Variants in KDM2B observed in about 807,000 individuals in gnomAD.
KDM2B encodes lysine-specific demethylase 2B.
Under a neutral mutation model 150.0 loss-of-function variants are expected in KDM2B, and 26 were observed. The observed-to-expected ratio is 0.17, with a 90% confidence interval of 0.13 to 0.24. The LOEUF (loss-of-function observed/expected upper bound fraction) is 0.24. Ranked by LOEUF, KDM2B falls within the 10% of genes least tolerant of loss-of-function variation. The probability of loss-of-function intolerance (pLI) is 1.00; values close to 1 mark genes in which losing one functional copy is unlikely to be tolerated. For missense variants in KDM2B, 1,265 were observed against 1,816.9 expected (o/e 0.70, Z 5.52); for synonymous variants, 734 against 729.5 (o/e 1.01, Z -0.10).
chr12:121,447,133 C>T (rs549760730), intron 13 of KDM2B, among the ~76,000 whole-genome samples: 41 of 152,308 alleles, frequency 2.7e-4, no homozygotes, highest in African/African-American at 8.9e-4. Context: ...AATACTCCTC[C>T]CTTTTCCAAG....
chr12:121,532,802 C>G lies in KDM2B; in HGVS notation c.931+4G>C, dbSNP rs1555308063. The G allele has an allele frequency of 6.2e-7, 1 of 1,614,052 alleles. No individual in the cohort carries two copies. The highest frequency in any genetic ancestry group is 2.2e-5 in the East Asian group (1 of 44,884). Reference sequence around the variant, plus strand: ...GAGCCCAGAGAGTGCCCCTGGAAACCTACCGGAAGGGATGAAAAATGTGTA... The same window carrying G: ...GAGCCCAGAGAGTGCCCCTGGAAACGTACCGGAAGGGATGAAAAATGTGTA... On this transcript the variant is annotated splice_donor_region_variant and intron_variant, in intron 8 of 22. Coordinates refer to ENST00000377071, the MANE Select transcript of KDM2B (RefSeq NM_032590.5).
chr12:121,553,027 T>C (rs775575606), intron 4 of KDM2B, among the ~76,000 whole-genome samples: 4 of 151,670 alleles, frequency 2.6e-5, no homozygotes, highest in Non-Finnish European at 5.9e-5. Context: ...GGTCAGGAGA[T>C]TGAGACCATC....
In KDM2B at chr12:121,580,926, T is replaced by C; in HGVS notation, c.-15A>G. 1.2e-6 allele frequency: 2 copies of C among 1,612,496 alleles called. No homozygotes were observed. The highest frequency in any genetic ancestry group is 1.7e-6 in the Non-Finnish European group (2 of 1,179,470). On this transcript the variant is annotated 5_prime_UTR_variant, in exon 1 of 23. Transcript: ENST00000377071. ...GGACCCGCCATGTGGAGGAGGCATT[T>C]GGGGGGCTCAGAAGGAAATTAGCTC...
intron 4 of KDM2B, among the ~76,000 whole-genome samples, chr12:121,555,882 A>G (rs782703031): frequency 6.6e-6 from 1 of 151,872 alleles, no homozygotes; most frequent in Non-Finnish European, 1.5e-5. Context: ...TTCCCACTCT[A>G]TTAGTTCCCA....
chr12:121,480,049 G>A lies in KDM2B; in HGVS notation c.1734+14530C>T, dbSNP rs1881920568. Among the ~76,000 whole-genome samples, 4 of 152,118 alleles carry A rather than the reference G, an allele frequency of 2.6e-5. 1 individual carries two copies. The highest frequency in any genetic ancestry group is 2.6e-4 in the Admixed American group (4 of 15,258). ...TCCTCTTGCCTCAGCCTCCCAAGTA[G>A]CTAGCACTTCAGGTGTCGCCCACCA... On this transcript the variant is annotated intron_variant, in intron 12 of 22. Transcript: ENST00000377071.
intron 1 of KDM2B, chr12:121,579,498 C>G: frequency 1.0e-6 from 1 of 983,410 alleles, no homozygotes; most frequent in Non-Finnish European, 1.4e-6. Context: ...CAGCCGCCCC[C>G]GCCGCCCGCC....
chr12:121,461,140 G>A (rs1593827192), intron 12 of KDM2B, among the ~76,000 whole-genome samples: 1 of 152,060 alleles, frequency 6.6e-6, no homozygotes, highest in African/African-American at 2.4e-5. Context: ...GACTAAGGTG[G>A]GTCTTAGAGG....
At chr12:121,523,879 A>C (rs193075043) in intron 8 of KDM2B, among the ~76,000 whole-genome samples, 1 of 152,178 alleles carries the variant, frequency 6.6e-6, no homozygotes, top group African/African-American at 2.4e-5. Context: ...CCAGCTTCCC[A>C]TCCCACGACC....
At chr12:121,481,056 T>C (rs1882070750) in intron 12 of KDM2B, among the ~76,000 whole-genome samples, 1 of 151,882 alleles carries the variant, frequency 6.6e-6, no homozygotes, top group Non-Finnish European at 1.5e-5. Flanking sequence ...GCTTCCCAAG[T>C]AGCTGGGACT....
At chr12:121,569,794 G>T (rs564994351) in intron 4 of KDM2B, among the ~76,000 whole-genome samples, 1 of 151,970 alleles carries the variant, frequency 6.6e-6, no homozygotes, top group Non-Finnish European at 1.5e-5. Flanking sequence ...AAGGGAGAGG[G>T]GGCTGGATGA....
intron 1 of KDM2B, chr12:121,580,307 T>C (rs1323866043): frequency 1.0e-6 from 1 of 1,004,008 alleles, no homozygotes; most frequent in Non-Finnish European, 1.2e-6. Context: ...TTGTTGCCGA[T>C]CGCGCTCGGA....
chr12:121,466,262 A>G (rs1240533460), intron 12 of KDM2B, among the ~76,000 whole-genome samples: 1 of 152,020 alleles, frequency 6.6e-6, no homozygotes, highest in African/African-American at 2.4e-5. Flanking sequence ...AATCCATCCC[A>G]TTCTTAATTC....
intron 10 of KDM2B, among the ~76,000 whole-genome samples, chr12:121,510,701 G>T (rs1201810878): frequency 6.6e-6 from 1 of 152,042 alleles, no homozygotes; most frequent in Non-Finnish European, 1.5e-5. Flanking sequence ...GCTGAGATGG[G>T]AGGATCACTT....
intron 12 of KDM2B, among the ~76,000 whole-genome samples, chr12:121,479,775 C>T (rs1555297535): frequency 6.6e-6 from 1 of 151,946 alleles, no homozygotes; most frequent in African/African-American, 2.4e-5. Context: ...GCACGTGCCA[C>T]CACACCCAGC....
chr12:121,428,707 T>C (rs949697511), downstream of KDM2B, among the ~76,000 whole-genome samples: 1 of 152,144 alleles, frequency 6.6e-6, no homozygotes, highest in Non-Finnish European at 1.5e-5. Context: ...AATTCCGTAA[T>C]CTAAAATTAC....
At chr12:121,433,774 A>C (rs1366717050) in intron 22 of KDM2B, among the ~76,000 whole-genome samples, 1 of 152,232 alleles carries the variant, frequency 6.6e-6, no homozygotes, top group East Asian at 1.9e-4. Context: ...AATCCAAAAA[A>C]AGAACAAAGT....
Position 121,442,197 on chromosome 12 carries a change from G to C in KDM2B, c.3244C>G (p.Leu1082Val). The C allele has an allele frequency of 6.2e-7, 1 of 1,613,636 alleles. No homozygotes were observed. Among genetic ancestry groups the C allele is most frequent in the Middle Eastern group, 1.6e-4 (1 of 6,062 alleles). Residue 1082 changes from leucine to valine, a missense_variant, in exon 19 of 23, where the codon CTG (leucine) becomes GTG (valine). By Grantham distance (32) the Leu-to-Val change is conservative. Around this residue, in one of 11 missense-constraint regions of KDM2B, gnomAD observed 251 missense variants for 397.8 expected, o/e 0.63. Transcript: ENST00000377071. The surrounding 1 kb of genome is among the most constrained non-coding windows in gnomAD (Gnocchi z 7.7). The stretch of plus-strand genomic sequence containing the variant: ...CTGCAGACCCGCATGCACACACACA[G>C]GTCTTGGTGGCTGAGGTAGCTGAAG... ...AVFSYLSHQD[L>V]CVCMRVCRTW...
In KDM2B at chr12:121,533,217, G is replaced by C. The variant is rs1887810684; in HGVS notation, c.778-258C>G. On this transcript the variant is annotated intron_variant, in intron 7 of 22. Transcript: ENST00000377071. The surrounding 1 kb of genome is among the most constrained non-coding windows in gnomAD (Gnocchi z 4.1). ...AAATCCCAGGATGGGAGTACTTCCT[G>C]GACTGGGTGGGACATGCTTTCTCCC... Among the ~76,000 whole-genome samples, 1 of 152,158 alleles carries C rather than the reference G, an allele frequency of 6.6e-6. No homozygotes were observed. The highest frequency in any genetic ancestry group is 2.4e-5 in the African/African-American group (1 of 41,428).
downstream of KDM2B, among the ~76,000 whole-genome samples, chr12:121,426,313 A>C (rs1872508521): frequency 6.6e-6 from 1 of 152,182 alleles, no homozygotes; most frequent in African/African-American, 2.4e-5. Flanking sequence ...TATTAGCCAG[A>C]TAATAGAAAT....
Sources: allele counts gnomAD v4.1 joint callset (sites outside exome capture counted in the v4.1 genomes callset), GRCh38; gene constraint gnomAD v4.1.1; regional missense constraint gnomAD v4.1.1; non-coding constraint Gnocchi (gnomAD v3.1); transcripts MANE v1.5; gene names NCBI Gene and HGNC (gene_info 2026-07-23, HGNC 2026-07-21).